Variants in WWC2 observed in about 807,000 individuals in gnomAD.
The protein encoded by WWC2 is WW and C2 domain containing 2, also known as protein WWC2.
WWC2 carries 101 observed loss-of-function variants against 138.5 expected under a neutral mutation model. That is an observed-to-expected ratio of 0.73 (90% CI 0.62 to 0.86). The LOEUF (loss-of-function observed/expected upper bound fraction) is 0.86. WWC2 is among the 40% of genes least tolerant of loss of function. The pLI is 0.00. For missense variants in WWC2, 1,420 were observed against 1,419.4 expected (o/e 1.00, Z -0.01); for synonymous variants, 558 against 538.4 (o/e 1.04, Z -0.50).
chr4:183,216,044 T>G (rs764178073), intron 4 of WWC2, among the ~76,000 whole-genome samples: 4 of 152,216 alleles, frequency 2.6e-5, no homozygotes, highest in East Asian at 1.9e-4. Flanking sequence ...GATAAAGATA[T>G]AATGAATACA....
chr4:183,280,640 T>C, intron 16 of WWC2, 136 bp from the exon 17 acceptor site: 1 of 1,002,370 alleles, frequency 1.0e-6, no homozygotes, highest in Non-Finnish European at 1.4e-6. Flanking sequence ...TTCTATTTTA[T>C]TCAGCTTTCA....
At chr4:183,114,119 G>A (rs1030323085) in intron 1 of WWC2, among the ~76,000 whole-genome samples, 10 of 152,138 alleles carry the variant, frequency 6.6e-5, no homozygotes, top group African/African-American at 2.4e-4. Flanking sequence ...GGCCTGGTAG[G>A]AGGTCGGGTA....
At position 183,260,947 on chromosome 4, in the gene WWC2, A is replaced by T; in HGVS notation, c.1324A>T (p.Ser442Cys). Residue 442 changes from serine (S) to cysteine (C), a missense_variant, in exon 11 of 23, where the codon AGC (serine) becomes TGC (cysteine). By Grantham distance (112) the Ser-to-Cys change is moderately radical. Coordinates refer to ENST00000403733, the MANE Select transcript of WWC2 (RefSeq NM_024949.6). ...CACCCTGTCCATGTCATCTGGGAGC[A>T]GCCTGGGTTCCCTGGCATCGAGTCG... is the stretch of plus-strand genomic sequence containing the variant. The part of the protein sequence containing the change: ...ASTLSMSSGS[S>C]LGSLASSRGS... 6.2e-7 allele frequency: 1 copy of T among 1,613,942 alleles called. No individual in the cohort carries two copies. Among genetic ancestry groups the T allele is most frequent in the Non-Finnish European group, 8.5e-7 (1 of 1,179,884 alleles).
intron 1 of WWC2, among the ~76,000 whole-genome samples, chr4:183,159,906 G>A (rs1733911867): frequency 6.6e-6 from 1 of 151,932 alleles, no homozygotes; most frequent in Non-Finnish European, 1.5e-5. Flanking sequence ...AATAAGAATT[G>A]AAAATCTTTA....
chr4:183,113,375 C>G (rs1338764946), intron 1 of WWC2, among the ~76,000 whole-genome samples: 1 of 151,536 alleles, frequency 6.6e-6, no homozygotes, highest in Non-Finnish European at 1.5e-5. Context: ...TTTGCACCAA[C>G]CTATAGAAAG....
At chr4:183,308,688 T>C (rs1739103629) in intron 21 of WWC2, among the ~76,000 whole-genome samples, 1 of 152,212 alleles carries the variant, frequency 6.6e-6, no homozygotes, top group Non-Finnish European at 1.5e-5. Flanking sequence ...CCATACACTT[T>C]AAATCATTTC....
rs1200598795 is a variant in WWC2, at chr4:183,318,077, A to G, written c.*2348A>G. On this transcript the variant is annotated 3_prime_UTR_variant, in exon 23 of 23. Transcript: ENST00000403733. ...TGATCACAAAACCATATGGACAAATATGAATTTTAATATTATAAATACTAT... is the reference window on the plus strand; with the variant it reads ...TGATCACAAAACCATATGGACAAATGTGAATTTTAATATTATAAATACTAT... 6.6e-6 allele frequency: 1 copy of G among 152,210 alleles called. No individual in the cohort carries two copies. Among genetic ancestry groups the G allele is most frequent in the East Asian group, 1.9e-4 (1 of 5,200 alleles). 9.4% of individuals were successfully genotyped at this position (152,210 alleles called of 1,614,324 possible).
chr4:183,138,871 C>T (rs531289969), intron 1 of WWC2, among the ~76,000 whole-genome samples: 31 of 152,194 alleles, frequency 2.0e-4, no homozygotes, highest in African/African-American at 7.2e-4. Flanking sequence ...GCTGGAAATA[C>T]GTATGTATTT....
chr4:183,271,233 A>G lies in WWC2; in HGVS notation c.2554A>G (p.Ile852Val), dbSNP rs149156082. 9.9e-4 allele frequency: 1,597 copies of G among 1,608,542 alleles called. 2 individuals are homozygous for G. The highest frequency in any genetic ancestry group is 1.2e-3 in the Non-Finnish European group (1,456 of 1,177,848). Reference protein sequence around the residue: ...FQPNQPLVDSIDLDAVSALLA... With the variant: ...FQPNQPLVDSVDLDAVSALLA... ...ACCAAACCAGCCGTTAGTAGATTCT[A>G]TAGACTTGGTGAGTCAAAATTAGAG... is the stretch of plus-strand genomic sequence containing the variant. The change falls in exon 16 of 23, where the codon ATA (isoleucine) becomes GTA (valine). Residue 852 changes from isoleucine to valine, a missense_variant. Ile to Val is a conservative substitution (Grantham distance 29). Transcript: ENST00000403733.
Position 183,289,444 on chromosome 4 carries a change from A to G in WWC2, c.3193A>G (p.Thr1065Ala). The change falls in exon 21 of 23, where the codon ACA becomes GCA. Residue 1065 changes from threonine to alanine, a missense_variant. Physicochemically the swap from Thr to Ala is moderately conservative, Grantham distance 58. Transcript: ENST00000403733. Reference protein sequence around the residue: ...RRTTQECPVRTSLDLELDLQA... With the variant: ...RRTTQECPVRASLDLELDLQA... ...AACAACACAGGAATGCCCAGTGCGG[A>G]CATCTCTAGACTTAGAACTGGACCT... 6.2e-7 allele frequency: 1 copy of G among 1,612,816 alleles called. No homozygotes were observed. Among genetic ancestry groups the G allele is most frequent in the Non-Finnish European group, 8.5e-7 (1 of 1,179,366 alleles).
In WWC2 at chr4:183,260,844, G is replaced by A. The variant is rs906592831; in HGVS notation, c.1287-66G>A. On this transcript the variant is annotated intron_variant, in intron 10 of 22. Coordinates refer to ENST00000403733, the MANE Select transcript of WWC2 (RefSeq NM_024949.6). The stretch of plus-strand genomic sequence containing the variant: ...TCCCTCTGCAGATCTGAAGGAGCCA[G>A]TAGAGATTGTGATTAGGTTTTCCAT... 86 of 1,560,932 alleles carry A rather than the reference G, an allele frequency of 5.5e-5. 1 individual carries two copies. The highest frequency in any genetic ancestry group is 2.3e-4 in the Middle Eastern group (1 of 4,300).
chr4:183,283,762 C>T (rs138775247), intron 18 of WWC2, among the ~76,000 whole-genome samples: 159 of 152,184 alleles, frequency 1.0e-3, no homozygotes, highest in African/African-American at 3.3e-3. Flanking sequence ...TCTATTTAAA[C>T]CTACAAGTTT....
intron 1 of WWC2, among the ~76,000 whole-genome samples, chr4:183,101,161 A>G (rs1252963234): frequency 1.3e-5 from 2 of 152,384 alleles, no homozygotes; most frequent in East Asian, 3.9e-4. Flanking sequence ...TGAAATAACA[A>G]TAAATTCTTG....
intron 1 of WWC2, among the ~76,000 whole-genome samples, chr4:183,144,400 A>AT (rs79940153): frequency 2.5e-4 from 38 of 151,322 alleles, no homozygotes; most frequent in South Asian, 4.2e-4. Flanking sequence ...AAAAAACTGC[A>AT]TTTTTTTTTA....
intron 1 of WWC2, among the ~76,000 whole-genome samples, chr4:183,187,595 G>T (rs184317381): frequency 1.1e-5 from 1 of 89,694 alleles, no homozygotes; most frequent in Admixed American, 1.0e-4. Flanking sequence ...AATAGGCATG[G>T]TGCGGTGGCT....
At chr4:183,105,449 T>G (rs779045772) in intron 1 of WWC2, among the ~76,000 whole-genome samples, 2 of 152,224 alleles carry the variant, frequency 1.3e-5, no homozygotes, top group Non-Finnish European at 1.5e-5. Flanking sequence ...ATGGCCAGCT[T>G]CTTCTTGCCG....
At chr4:183,138,141 T>C (rs1733179308) in intron 1 of WWC2, among the ~76,000 whole-genome samples, 1 of 152,212 alleles carries the variant, frequency 6.6e-6, no homozygotes, top group Non-Finnish European at 1.5e-5. Flanking sequence ...CTGTAAAACC[T>C]ATCTGGAAGT....
chr4:183,300,725 A>G (rs1738808548), intron 21 of WWC2, among the ~76,000 whole-genome samples: 1 of 151,866 alleles, frequency 6.6e-6, no homozygotes. Flanking sequence ...AGGGAAGGAA[A>G]TATCTTCCGG....
chr4:183,140,372 G>A (rs937751409), intron 1 of WWC2, among the ~76,000 whole-genome samples: 3 of 152,092 alleles, frequency 2.0e-5, no homozygotes, highest in African/African-American at 7.2e-5. Flanking sequence ...TGCCTTGCCC[G>A]AGACCTACTA....
Sources: allele counts gnomAD v4.1 joint callset (sites outside exome capture counted in the v4.1 genomes callset), GRCh38; gene constraint gnomAD v4.1.1; transcripts MANE v1.5; gene names NCBI Gene and HGNC (gene_info 2026-07-23, HGNC 2026-07-21).